GSE1: variants seen among roughly 807,000 people sequenced by gnomAD.
GSE1 encodes the protein Gse1 coiled-coil protein.
In GSE1, 32 loss-of-function variants were observed where a neutral mutation model predicts 112.6. The ratio of observed to expected loss-of-function variants is 0.28; its 90% confidence interval spans 0.21 to 0.38. The LOEUF is 0.38. Among genes scored for constraint, GSE1 ranks in the 10% least tolerant of loss-of-function variants. GSE1 has a pLI of 1.00. For missense variants in GSE1, 2,348 were observed against 1,699.2 expected (o/e 1.38, Z -6.71); for synonymous variants, 1,115 against 735.6 (o/e 1.52, Z -8.35).
chr16:85,452,903 T>A (rs1317336315), intron 2 of GSE1, among the ~76,000 whole-genome samples: 2 of 151,346 alleles, frequency 1.3e-5, no homozygotes, highest in African/African-American at 4.9e-5. Flanking sequence ...GGGGACTGGG[T>A]GGTCGCTCGG....
intron 1 of GSE1, among the ~76,000 whole-genome samples, chr16:85,306,984 A>G (rs1394654180): frequency 6.6e-6 from 1 of 152,242 alleles, no homozygotes; most frequent in African/African-American, 2.4e-5. Context: ...GCTCAGCACA[A>G]GCCACCCAGG....
At chr16:85,569,943 G>T (rs1026320806) in intron 1 of GSE1, among the ~76,000 whole-genome samples, 1 of 152,210 alleles carries the variant, frequency 6.6e-6, no homozygotes, top group Non-Finnish European at 1.5e-5. Context: ...CCTAGGGGGT[G>T]GAGGTGGGGG....
chr16:85,359,308 A>G, intron 2 of GSE1: 1 of 444,672 alleles, frequency 2.2e-6, no homozygotes, highest in South Asian at 1.6e-5. Flanking sequence ...AGGAGGAGGC[A>G]GCTTGCCTGG....
At chr16:85,659,189 A>G (rs1238404375) in intron 8 of GSE1, among the ~76,000 whole-genome samples, 1 of 152,128 alleles carries the variant, frequency 6.6e-6, no homozygotes, top group African/African-American at 2.4e-5. Flanking sequence ...GGAGTCTGGA[A>G]TAACTAGGGA....
rs138772425 is a variant in GSE1 at position 85,414,215 on chromosome 16, G to C, written c.2464+56572G>C. Among the ~76,000 whole-genome samples the C allele has an allele frequency of 3.2e-3, 485 of 152,332 alleles. 1 individual carries two copies. The highest frequency in any genetic ancestry group is 0.024 in the South Asian group (116 of 4,832). ...AGTCAAGCTAGACACAGAGCAGGGA[G>C]GGGGCATTTAGGGGACTTACTCGGA... On this transcript the variant is annotated intron_variant, in intron 2 of 2. Transcript: ENST00000637419.
At chr16:85,498,018 T>C (rs2051238267) in intron 2 of GSE1, among the ~76,000 whole-genome samples, 1 of 149,658 alleles carries the variant, frequency 6.7e-6, no homozygotes, top group Non-Finnish European at 1.5e-5. Flanking sequence ...CGTGCCTGTG[T>C]GCTCCGCAGG....
chr16:85,663,027 G>C lies in GSE1; in HGVS notation c.2307G>C (p.Glu769Asp), dbSNP rs1406277321. Residue 769 changes from glutamate (E) to aspartate (D), a missense_variant, in exon 10 of 16, where the codon GAG (glutamate) becomes GAC (aspartate). Coordinates refer to ENST00000253458, the MANE Select transcript of GSE1 (RefSeq NM_014615.5). ...ACTCTTACGACGAGAGCGATGAGGA[G>C]GAGGTCAGGGCCCACCTCCGTTGCG... ...LDDSYDESDE[E>D]EVRAHLRCVA... 1.9e-6 allele frequency: 3 copies of C among 1,613,206 alleles called. No homozygotes were observed. The highest frequency in any genetic ancestry group is 2.7e-5 in the African/African-American group (2 of 74,936).
intron 2 of GSE1, among the ~76,000 whole-genome samples, chr16:85,501,219 G>A (rs1175769690): frequency 2.0e-5 from 3 of 151,864 alleles, no homozygotes; most frequent in Admixed American, 6.6e-5. Context: ...AGCCAGGATA[G>A]TCTCAATCTC....
exon 1 of GSE1, chr16:85,170,460 C>T (rs1232931846): frequency 2.0e-6 from 2 of 985,484 alleles, no homozygotes; most frequent in Non-Finnish European, 2.4e-6. Flanking sequence ...TGGGGGAGAC[C>T]CTACGGGGCT....
intron 2 of GSE1, among the ~76,000 whole-genome samples, chr16:85,375,966 G>A (rs1227709448): frequency 6.6e-6 from 1 of 152,156 alleles, no homozygotes; most frequent in African/African-American, 2.4e-5. Context: ...GGTGTGCCGG[G>A]GGCCTGGCTG....
At chr16:85,621,750 G>T (rs957377939) in intron 1 of GSE1, among the ~76,000 whole-genome samples, 1 of 152,174 alleles carries the variant, frequency 6.6e-6, no homozygotes. Context: ...TGTGTCATCC[G>T]TGTCTCTTAT....
chr16:85,474,125 A>G (rs571613447), intron 2 of GSE1, among the ~76,000 whole-genome samples: 4 of 152,134 alleles, frequency 2.6e-5, no homozygotes, highest in African/African-American at 9.6e-5. Flanking sequence ...GTTGAGGCGG[A>G]AGCAGGGATG....
In GSE1 at chr16:85,538,096, C is replaced by T. The variant is rs561714307; in HGVS notation, c.2465-95818C>T. On this transcript the variant is annotated intron_variant, in intron 2 of 2. Coordinates refer to the GSE1 transcript ENST00000637419. ...TTGCTGGCCTCTCATCTCCCACAGC[C>T]GTAGCTGAATCAGGAGACCCAGGCC... is the stretch of plus-strand genomic sequence containing the variant. Among the ~76,000 whole-genome samples the T allele has an allele frequency of 5.3e-5, 8 of 152,342 alleles. No homozygotes were observed. The East Asian group carries it at 9.7e-4, about 18-fold the overall frequency.
intron 1 of GSE1, among the ~76,000 whole-genome samples, chr16:85,626,500 A>T (rs2049080388): frequency 6.6e-6 from 1 of 152,226 alleles, no homozygotes; most frequent in Admixed American, 6.5e-5. Flanking sequence ...TTCTGCGGTA[A>T]TGAAAAATTA....
At chr16:85,241,950 G>A (rs562992708) in intron 1 of GSE1, among the ~76,000 whole-genome samples, 23 of 152,102 alleles carry the variant, frequency 1.5e-4, no homozygotes, top group East Asian at 1.9e-4. Context: ...TGGCCCCTCC[G>A]AAGCTGCTCA....
At position 85,198,213 on chromosome 16, in the gene GSE1, C is replaced by G. The variant is rs1367434557; in HGVS notation, c.2283+26406C>G. ...GTGAACCTGAGGACCCACAGGGTCA[C>G]TGTAGCTCCCAACCATGGGGACCAG... is the stretch of plus-strand genomic sequence containing the variant. On this transcript the variant is annotated intron_variant, in intron 1 of 2. Coordinates refer to the GSE1 transcript ENST00000637419. Among the ~76,000 whole-genome samples the G allele has an allele frequency of 4.6e-5, 7 of 152,168 alleles. No homozygotes were observed. In the East Asian group the frequency reaches 1.2e-3, roughly 25 times the overall value.
intron 2 of GSE1, among the ~76,000 whole-genome samples, chr16:85,546,481 C>G (rs949634748): frequency 6.6e-6 from 1 of 152,218 alleles, no homozygotes; most frequent in Non-Finnish European, 1.5e-5. Flanking sequence ...ATATTTATTT[C>G]TCAAGGACAC....
intron 8 of GSE1, chr16:85,659,688 G>A (rs1427757868): frequency 1.3e-5 from 2 of 152,096 alleles, no homozygotes; most frequent in African/African-American, 4.8e-5. Context: ...AAAATAAGCT[G>A]GAAAAACAAT....
chr16:85,338,860 T>C (rs972973423), intron 1 of GSE1, among the ~76,000 whole-genome samples: 2 of 152,226 alleles, frequency 1.3e-5, no homozygotes, highest in African/African-American at 4.8e-5. Context: ...GGACAGGTGC[T>C]GCTGCCGGTG....
Sources: allele counts gnomAD v4.1 joint callset (sites outside exome capture counted in the v4.1 genomes callset), GRCh38; gene constraint gnomAD v4.1.1; transcripts MANE v1.5; gene names NCBI Gene and HGNC (gene_info 2026-07-23, HGNC 2026-07-21).